Variants in WWOX observed in about 807,000 individuals in gnomAD.
WWOX encodes the protein WW domain-containing oxidoreductase.
A neutral mutation model predicts 46.2 loss-of-function variants in WWOX; 69 were observed. The observed-to-expected ratio is 1.49, with a 90% CI of 1.23 to 1.82. The LOEUF is 1.82. WWOX is among the 40% of genes most tolerant of loss of function. The pLI is 0.00. For missense variants in WWOX, 919 were observed against 542.6 expected, an observed-to-expected ratio of 1.69 and a Z score of -6.89; for synonymous variants, 359 against 202.6, an observed-to-expected ratio of 1.77 and a Z score of -6.56.
At chr16:78,798,638 TTTTTCTCGAAACATATATA>T (rs1164702288) in intron 8 of WWOX, among the ~76,000 whole-genome samples, 8 of 151,264 alleles carry the variant, frequency 5.3e-5, no homozygotes, top group African/African-American at 1.9e-4. Context: ...TCCATATAGG[TTTTTCTCGAAACATATATA>T]TTTTTAATTT....
At chr16:78,315,655 A>G (rs1184928273) in intron 5 of WWOX, among the ~76,000 whole-genome samples, 1 of 152,106 alleles carries the variant, frequency 6.6e-6, no homozygotes, top group Non-Finnish European at 1.5e-5. Context: ...CTCAAAAAAG[A>G]ATAAAAATGA....
chr16:78,667,915 C>T (rs894735142), intron 8 of WWOX, among the ~76,000 whole-genome samples: 2 of 152,106 alleles, frequency 1.3e-5, no homozygotes. Flanking sequence ...AGGATGTGCC[C>T]TCTGCCCCGT....
In WWOX at chr16:78,386,937, G is replaced by A. The variant is rs1267418734; in HGVS notation, c.594G>A (p.Lys198=). The part of the protein sequence containing the change: ...RSVQHFAEAF[K]AKNVPLHVLV... The stretch of plus-strand genomic sequence containing the variant: ...TGCAGCATTTTGCTGAAGCATTCAA[G>A]GCCAAGAATGTGTGAGTGTTCCAGT... Residue 198 remains lysine, a synonymous_variant, in exon 6 of 9, where the codon AAG becomes AAA. Transcript: ENST00000566780. The A allele has an allele frequency of 3.1e-6, 5 of 1,614,052 alleles. No individual in the cohort carries two copies. Among genetic ancestry groups the A allele is most frequent in the East Asian group, 2.2e-5 (1 of 44,882 alleles).
chr16:78,425,015 G>C lies in WWOX; in HGVS notation c.751G>C (p.Ala251Pro), dbSNP rs773518778. ...CCTCCAGGATGTTTTGTGCCGCTCAGCTCCTGCCCGTGTCATTGTGGTCTC... is the reference window on the plus strand; with the variant it reads ...CCTCCAGGATGTTTTGTGCCGCTCACCTCCTGCCCGTGTCATTGTGGTCTC... ...QLLQDVLCRS[A>P]PARVIVVSSE... The change falls in exon 7 of 9, where the codon GCT (alanine) becomes CCT (proline). Residue 251 changes from alanine (A) to proline (P), a missense_variant. By Grantham distance (27) the Ala-to-Pro change is conservative (BLOSUM62 -1). Coordinates refer to ENST00000566780, the MANE Select transcript of WWOX (RefSeq NM_016373.4). 2 of 1,613,916 alleles carry C rather than the reference G, an allele frequency of 1.2e-6. No homozygotes were observed. Among genetic ancestry groups the C allele is most frequent in the Non-Finnish European group, 1.7e-6 (2 of 1,180,034 alleles).
intron 8 of WWOX, among the ~76,000 whole-genome samples, chr16:79,030,565 T>C (rs1466562893): frequency 6.6e-6 from 1 of 152,222 alleles, no homozygotes; most frequent in African/African-American, 2.4e-5. Flanking sequence ...CCGACTCATA[T>C]GAGGGCTGTC....
At chr16:78,993,924 C>G (rs567064903) in intron 8 of WWOX, among the ~76,000 whole-genome samples, 10 of 152,090 alleles carry the variant, frequency 6.6e-5, no homozygotes, top group Non-Finnish European at 1.5e-4. Context: ...TGTATGTGAC[C>G]GCTTCCCCCG....
intron 8 of WWOX, among the ~76,000 whole-genome samples, chr16:79,113,567 C>T (rs753880195): frequency 1.2e-4 from 18 of 152,244 alleles, no homozygotes; most frequent in African/African-American, 2.4e-4. Flanking sequence ...CTTAGGCTTA[C>T]GCCTGGGTGG....
At chr16:78,534,303 G>A (rs902705838) in intron 8 of WWOX, 2 of 152,176 alleles carry the variant, frequency 1.3e-5, no homozygotes, top group African/African-American at 4.8e-5. Flanking sequence ...CTTGCCCAGT[G>A]CTTGGCATAT....
intron 8 of WWOX, among the ~76,000 whole-genome samples, chr16:79,025,739 T>C (rs2047625257): frequency 6.6e-6 from 1 of 151,914 alleles, no homozygotes. Context: ...CCATGGCCTT[T>C]CTGATAATCC....
chr16:79,041,526 A>G (rs1228830074), intron 8 of WWOX, among the ~76,000 whole-genome samples: 2 of 152,170 alleles, frequency 1.3e-5, no homozygotes, highest in African/African-American at 2.4e-5. Flanking sequence ...CGCAGAACTC[A>G]TCAGCTGCTT....
At chr16:78,239,997 GGT>G (rs34361815) in intron 5 of WWOX, among the ~76,000 whole-genome samples, 98,502 of 151,746 alleles carry the variant, frequency 0.65, 32,234 homozygotes, top group Admixed American at 0.71. Flanking sequence ...TGTCAGTGTG[GGT>G]GTGAGTTGCA....
At chr16:79,068,820 CAATAATAAT>C (rs61494401) in intron 8 of WWOX, among the ~76,000 whole-genome samples, 7,278 of 138,496 alleles carry the variant, frequency 0.053, 371 homozygotes, top group African/African-American at 0.12. Flanking sequence ...CAAAAAAACC[CAATAATAAT>C]AATAATAATA....
intron 8 of WWOX, among the ~76,000 whole-genome samples, chr16:78,497,875 G>T (rs1332089833): frequency 6.7e-6 from 1 of 150,324 alleles, no homozygotes; most frequent in African/African-American, 2.4e-5. Context: ...AATTAAAAAA[G>T]CCCACATTTT....
chr16:78,175,009 A>AATAATAATAATG, intron 5 of WWOX, among the ~76,000 whole-genome samples: 1 of 144,044 alleles, frequency 6.9e-6, no homozygotes, highest in Non-Finnish European at 1.5e-5. Flanking sequence ...TAATAATAAT[A>AATAATAATAATG]ATAATAATAA....
At chr16:78,569,912 C>T (rs1254418169) in intron 8 of WWOX, among the ~76,000 whole-genome samples, 1 of 152,174 alleles carries the variant, frequency 6.6e-6, no homozygotes, top group African/African-American at 2.4e-5. Context: ...CCATCGGTAC[C>T]TCTTGTCACA....
intron 8 of WWOX, among the ~76,000 whole-genome samples, chr16:78,734,648 A>G (rs554022385): frequency 2.1e-4 from 32 of 151,956 alleles, no homozygotes; most frequent in African/African-American, 4.3e-4. Context: ...TGTTTGGTCA[A>G]ACATCACTCT....
chr16:78,225,609 G>T (rs1386870672), intron 5 of WWOX, among the ~76,000 whole-genome samples: 3 of 152,200 alleles, frequency 2.0e-5, no homozygotes, highest in Non-Finnish European at 2.9e-5. Flanking sequence ...ATTCATTGAG[G>T]ATTTGTTTTG....
chr16:78,630,096 G>C (rs1228561020), intron 8 of WWOX, among the ~76,000 whole-genome samples: 2 of 152,094 alleles, frequency 1.3e-5, no homozygotes, highest in African/African-American at 4.8e-5. Flanking sequence ...TTGAAAATCT[G>C]TCACCAGTCA....
chr16:78,799,955 C>A (rs1003387120), intron 8 of WWOX, among the ~76,000 whole-genome samples: 8 of 152,274 alleles, frequency 5.3e-5, no homozygotes, highest in East Asian at 1.9e-4. Flanking sequence ...TTAGGAACTT[C>A]CCCCGCGTCT....
Sources: gnomAD v4.1 joint callset for allele counts (sites outside exome capture counted in the v4.1 genomes callset) on GRCh38, gnomAD v4.1.1 for gene constraint, MANE v1.5 for transcripts, NCBI Gene and HGNC (gene_info 2026-07-23, HGNC 2026-07-21) for gene names.